The following NEK4 variants were observed in gnomAD, a reference collection of about 807,000 sequenced individuals.
NEK4 encodes NIMA related kinase 4.
A neutral mutation model predicts 98.4 loss-of-function variants in NEK4; 86 were observed. The observed-to-expected ratio is 0.87, with a 90% CI of 0.73 to 1.05. The LOEUF (loss-of-function observed/expected upper bound fraction) is 1.05, where lower values mean the gene tolerates loss of function less well. NEK4 is among the 50% of genes least tolerant of loss of function. NEK4 has a pLI of 0.00. For synonymous variants in NEK4, 328 were observed against 342.2 expected (o/e 0.96, Z 0.46); for missense variants, 898 against 950.3 (o/e 0.94, Z 0.72).
chr3:52,713,070 T>A lies in NEK4; in HGVS notation c.2434-1201A>T, dbSNP rs541465010. ...CGCCCTCCCTTACCCAGTACTTCCC[T>A]GTCCCCCTTCCATATCATTAGCATA... On this transcript the variant is annotated intron_variant, in intron 15 of 15. Transcript: ENST00000233027. Among the ~76,000 whole-genome samples the A allele has an allele frequency of 3.9e-5, 6 of 152,314 alleles. No homozygotes were observed. In the South Asian group the frequency reaches 1.2e-3, roughly 32 times the overall value.
Position 52,752,955 on chromosome 3 carries a change from A to ACACACACACACACACACACACACAC in NEK4, c.964-620_964-619insGTGTGTGTGTGTGTGTGTGTGTGTG, listed in dbSNP as rs1559441493. Among the ~76,000 whole-genome samples the ACACACACACACACACACACACACAC allele has an allele frequency of 1.5e-3, 189 of 125,426 alleles. 3 individuals are homozygous for ACACACACACACACACACACACACAC. The highest frequency in any genetic ancestry group is 6.3e-3 in the African/African-American group (181 of 28,868). 82.3% of individuals were successfully genotyped at this position (125,426 alleles called of 152,430 possible). A position where few individuals can be genotyped will look rare whatever the true frequency, so the allele number is the denominator to read the frequency against. ...ATATACACACACACACACACACACAATGGAATATTTCTAATCTATAAAAAG... is the reference window on the plus strand; with the variant it reads ...ATATACACACACACACACACACACAACACACACACACACACACACACACACTGGAATATTTCTAATCTATAAAAAG... On this transcript the variant is annotated intron_variant, in intron 6 of 15. Transcript: ENST00000233027.
chr3:52,761,168 T>G (rs963572791), intron 5 of NEK4, among the ~76,000 whole-genome samples: 1 of 152,190 alleles, frequency 6.6e-6, no homozygotes, highest in Non-Finnish European at 1.5e-5. Flanking sequence ...AGACCCCTGA[T>G]TAGATGTACT....
At chr3:52,760,687 A>T in intron 6 of NEK4, 108 bp downstream of exon 6, 1 of 798,888 alleles carries the variant, frequency 1.3e-6, no homozygotes, top group Non-Finnish European at 2.1e-6. Context: ...TAATTGTACA[A>T]CAGAATCTCT....
In NEK4 at chr3:52,729,159, C is replaced by CT. The variant is rs539684233; in HGVS notation, c.2433+8426dup. 1.5e-3 allele frequency among the ~76,000 whole-genome samples: 230 copies of CT among 152,238 alleles called. 1 individual carries two copies. Among genetic ancestry groups the CT allele is most frequent in the Non-Finnish European group, 1.7e-3 (119 of 68,028 alleles). On this transcript the variant is annotated intron_variant, in intron 15 of 15. Coordinates refer to ENST00000233027, the MANE Select transcript of NEK4 (RefSeq NM_003157.6). ...GACCTACTCCCTGCTTGTACACCCC[C>CT]TCCCCTTTTGAAATCCTTAATAAAA...
At chr3:52,758,347 T>C (rs939188732) in intron 6 of NEK4, among the ~76,000 whole-genome samples, 5 of 152,080 alleles carry the variant, frequency 3.3e-5, no homozygotes, top group African/African-American at 1.2e-4. Flanking sequence ...ACATTATAGA[T>C]GTATTTAACA....
At chr3:52,766,058 A>G in intron 3 of NEK4, 64 bp from the exon 4 acceptor site, 1 of 1,459,014 alleles carries the variant, frequency 6.9e-7, no homozygotes. Context: ...TTTTCCCTTT[A>G]AAAAAAGAAA....
intron 6 of NEK4, among the ~76,000 whole-genome samples, chr3:52,758,783 A>G (rs76426710): frequency 0.038 from 5,829 of 152,176 alleles, 376 homozygotes; most frequent in African/African-American, 0.13. Flanking sequence ...ACAACTCAAC[A>G]ACAAAAAGAC....
At chr3:52,725,489 T>C (rs2097363685) in intron 15 of NEK4, among the ~76,000 whole-genome samples, 1 of 151,570 alleles carries the variant, frequency 6.6e-6, no homozygotes, top group Non-Finnish European at 1.5e-5. Context: ...CACTCCAGCC[T>C]GGGCAACAGA....
Position 52,766,185 on chromosome 3 carries a change from T to C in NEK4, c.551A>G (p.Asn184Ser). 6.2e-7 allele frequency: 1 copy of C among 1,613,606 alleles called. No individual in the cohort carries two copies. The highest frequency in any genetic ancestry group is 8.5e-7 in the Non-Finnish European group (1 of 1,179,510). Residue 184 changes from asparagine to serine, a missense_variant, in exon 3 of 16, where the codon AAC becomes AGC. By Grantham distance (46) the Asn-to-Ser change is conservative. Transcript: ENST00000233027. ...TACAGAGCCCAATCCTACCTTATAG[T>C]TGTAGGGTTTGTTTGAGAACAATTC... is the stretch of plus-strand genomic sequence containing the variant. ...SPELFSNKPY[N>S]YKSDVWALGC...
intron 6 of NEK4, 106 bp downstream of exon 6, chr3:52,760,689 A>AG (rs1698321518): frequency 2.5e-6 from 2 of 799,480 alleles, no homozygotes; most frequent in East Asian, 4.9e-5. Context: ...ATTGTACAAC[A>AG]GAATCTCTAG....
At chr3:52,714,163 G>A (rs1162345121) in intron 15 of NEK4, among the ~76,000 whole-genome samples, 1 of 152,196 alleles carries the variant, frequency 6.6e-6, no homozygotes, top group South Asian at 2.1e-4. Flanking sequence ...TTGAGCTGGT[G>A]AGGCAGAGAC....
chr3:52,767,953 C>G (rs962912203), intron 2 of NEK4, among the ~76,000 whole-genome samples: 1 of 152,156 alleles, frequency 6.6e-6, no homozygotes, highest in African/African-American at 2.4e-5. Context: ...CTACTGTACC[C>G]CAGCAGACTG....
chr3:52,744,468 C>G (rs2097392334), intron 10 of NEK4, among the ~76,000 whole-genome samples, 163 bp from the exon 11 acceptor site: 2 of 152,022 alleles, frequency 1.3e-5, no homozygotes, highest in Non-Finnish European at 2.9e-5. Flanking sequence ...GGCAGATCAC[C>G]AGGTCAGGAG....
chr3:52,723,433 G>A (rs552413432), intron 15 of NEK4, among the ~76,000 whole-genome samples: 3 of 152,018 alleles, frequency 2.0e-5, no homozygotes, highest in Admixed American at 1.3e-4. Context: ...TAGTGTAGAC[G>A]GGGTTTTACC....
chr3:52,753,451 G>A (rs778172892), intron 6 of NEK4: 116 of 375,524 alleles, frequency 3.1e-4, no homozygotes, highest in Non-Finnish European at 5.1e-4. Context: ...ATGCCCGGAA[G>A]GCTGGTAAAT....
At position 52,741,476 on chromosome 3, in the gene NEK4, C is replaced by T. The variant is rs766795646; in HGVS notation, c.2028G>A (p.Leu676=). The T allele has an allele frequency of 6.2e-7, 1 of 1,607,588 alleles. No individual in the cohort carries two copies. The highest frequency in any genetic ancestry group is 1.1e-5 in the South Asian group (1 of 90,924). Residue 676 remains leucine (L), a synonymous_variant, in exon 13 of 16, where the codon CTG becomes CTA. Coordinates refer to ENST00000233027, the MANE Select transcript of NEK4 (RefSeq NM_003157.6). ...TAGAAGAACTTAACTCATCCTCAGA[C>T]AGACAATGAATCTGTTTCCTTTCCT... ...VTQERKQIHC[L]SEDELSSSTS...
rs1336126490 is a variant in NEK4, at chr3:52,768,369, T to G, written c.329A>C (p.Glu110Ala). The G allele has an allele frequency of 3.1e-6, 5 of 1,614,062 alleles. No homozygotes were observed. Among genetic ancestry groups the G allele is most frequent in the Non-Finnish European group, 4.2e-6 (5 of 1,180,016 alleles). Residue 110 changes from glutamate (E) to alanine (A), a missense_variant, in exon 2 of 16, where the codon GAG becomes GCG. By Grantham distance (107) the Glu-to-Ala change is moderately radical. Transcript: ENST00000233027. ...AGCCATGGCGATCTGTACAAACCACTCTACCACCTGATTCTCAGGCAGAAG... is the reference window on the plus strand; with the variant it reads ...AGCCATGGCGATCTGTACAAACCACGCTACCACCTGATTCTCAGGCAGAAG... Reference protein sequence around the residue: ...GQLLPENQVVEWFVQIAMALQ... With the variant: ...GQLLPENQVVAWFVQIAMALQ...
chr3:52,738,385 G>A (rs2097379893), intron 14 of NEK4, among the ~76,000 whole-genome samples: 1 of 148,722 alleles, frequency 6.7e-6, no homozygotes, highest in South Asian at 2.1e-4. Flanking sequence ...TTACAGGCAT[G>A]ATGATACCAC....
At chr3:52,743,175 G>T in intron 12 of NEK4, 177 bp downstream of exon 12, 1 of 563,214 alleles carries the variant, frequency 1.8e-6, no homozygotes, top group Non-Finnish European at 3.2e-6. Flanking sequence ...TCCCTTAATG[G>T]GTCAATCATA....
Sources: gnomAD v4.1 joint callset for allele counts (sites outside exome capture counted in the v4.1 genomes callset) on GRCh38, gnomAD v4.1.1 for gene constraint, MANE v1.5 for transcripts, NCBI Gene and HGNC (gene_info 2026-07-23, HGNC 2026-07-21) for gene names.